COL5A2: variants seen among roughly 807,000 people sequenced by gnomAD.
COL5A2 encodes collagen alpha-2(V) chain.
COL5A2 carries 23 observed loss-of-function variants against 208.2 expected under a neutral mutation model. That is an observed-to-expected ratio of 0.11 (90% CI 0.08 to 0.16). The LOEUF is 0.16. Among genes scored for constraint, COL5A2 ranks in the 10% least tolerant of loss-of-function variants. The probability of loss-of-function intolerance (pLI) is 1.00; values close to 1 mark genes in which losing one functional copy is unlikely to be tolerated. For missense variants in COL5A2, 1,590 were observed against 1,956.4 expected, an observed-to-expected ratio of 0.81 and a Z score of 3.53; for synonymous variants, 625 against 628.5, an observed-to-expected ratio of 0.99 and a Z score of 0.08.
At chr2:189,414,670 G>A in the COL5A2 span, among the ~76,000 whole-genome samples, 3 of 148,140 alleles carry the variant, frequency 2.0e-5, no homozygotes, top group African/African-American at 7.5e-5. Flanking sequence ...AATGGCTTGA[G>A]CCCGGGAGAC....
At chr2:189,326,613 A>G in the COL5A2 span, among the ~76,000 whole-genome samples, 1 of 152,024 alleles carries the variant, frequency 6.6e-6, no homozygotes, top group Non-Finnish European at 1.5e-5. Context: ...GGATCACTTG[A>G]GCCCAGACAT....
intron 5 of COL5A2, among the ~76,000 whole-genome samples, chr2:189,098,348 A>G (rs542942416): frequency 4.6e-5 from 7 of 152,360 alleles, no homozygotes; most frequent in African/African-American, 1.7e-4. Context: ...CTCAAATTCT[A>G]CTGCAATATA....
At chr2:189,376,976 T>G in the COL5A2 span, among the ~76,000 whole-genome samples, 1 of 152,214 alleles carries the variant, frequency 6.6e-6, no homozygotes, top group African/African-American at 2.4e-5. Flanking sequence ...ATTTAATATA[T>G]TGTTACCAAT....
the COL5A2 span, among the ~76,000 whole-genome samples, chr2:189,243,318 C>A: frequency 6.6e-6 from 1 of 152,122 alleles, no homozygotes; most frequent in Non-Finnish European, 1.5e-5. Flanking sequence ...TGTATTAGTT[C>A]ATTTTCATGC....
intron 1 of COL5A2, among the ~76,000 whole-genome samples, chr2:189,195,776 A>G (rs762758904): frequency 2.0e-5 from 3 of 152,198 alleles, no homozygotes; most frequent in African/African-American, 7.2e-5. Context: ...AGAAAGCTGA[A>G]ACTGGACCCC....
intron 1 of COL5A2, among the ~76,000 whole-genome samples, chr2:189,213,719 C>A (rs1015465631): frequency 2.0e-5 from 3 of 152,086 alleles, no homozygotes; most frequent in Non-Finnish European, 4.4e-5. Flanking sequence ...CGAGAGTGAA[C>A]CCCAATGCCT....
intron 21 of COL5A2, 27 bp from the exon 22 acceptor site, chr2:189,066,809 A>G: frequency 6.3e-7 from 1 of 1,585,582 alleles, no homozygotes; most frequent in Non-Finnish European, 8.7e-7. Flanking sequence ...GATATTTGTA[A>G]GAACCAGGAC....
chr2:189,221,022 TATCAG>T (rs1294422809), intron 1 of COL5A2, among the ~76,000 whole-genome samples: 1 of 152,186 alleles, frequency 6.6e-6, no homozygotes, highest in East Asian at 1.9e-4. Context: ...GGTGTTCAAA[TATCAG>T]TTAATGAATG....
the COL5A2 span, among the ~76,000 whole-genome samples, chr2:189,282,707 GTT>G: frequency 6.6e-6 from 1 of 152,018 alleles, no homozygotes; most frequent in African/African-American, 2.4e-5. Flanking sequence ...TTCCATTCTT[GTT>G]TTATACTGTC....
the COL5A2 span, among the ~76,000 whole-genome samples, chr2:189,231,037 T>A: frequency 6.6e-6 from 1 of 151,908 alleles, no homozygotes; most frequent in Non-Finnish European, 1.5e-5. Context: ...CATGGATGAA[T>A]CTTGGAGACA....
intron 43 of COL5A2, 131 bp from the exon 44 acceptor site, chr2:189,049,585 C>T: frequency 2.8e-6 from 2 of 719,380 alleles, no homozygotes; most frequent in Non-Finnish European, 2.4e-6. Context: ...TCTTACAACA[C>T]TCATGTAATC....
chr2:189,225,544 T>C (rs1174470194), upstream of COL5A2, among the ~76,000 whole-genome samples: 1 of 152,156 alleles, frequency 6.6e-6, no homozygotes, highest in Non-Finnish European at 1.5e-5. Context: ...CTTTGTACAG[T>C]TTTGCTAAAT....
At chr2:189,135,979 A>G (rs935954540) in intron 1 of COL5A2, among the ~76,000 whole-genome samples, 1 of 152,182 alleles carries the variant, frequency 6.6e-6, no homozygotes, top group Non-Finnish European at 1.5e-5. Flanking sequence ...AGTAAGGAGG[A>G]TCAGCAGAGA....
chr2:189,356,051 G>A, the COL5A2 span, among the ~76,000 whole-genome samples: 1 of 152,264 alleles, frequency 6.6e-6, no homozygotes, highest in Non-Finnish European at 1.5e-5. Flanking sequence ...AGTTTGGCTG[G>A]ATATGAAATC....
the COL5A2 span, among the ~76,000 whole-genome samples, chr2:189,321,821 G>A: frequency 6.6e-6 from 1 of 152,184 alleles, no homozygotes; most frequent in African/African-American, 2.4e-5. Context: ...TCTGCACCAA[G>A]CAGACCTAAT....
the COL5A2 span, among the ~76,000 whole-genome samples, chr2:189,289,070 G>T: frequency 6.6e-6 from 1 of 152,072 alleles, no homozygotes; most frequent in Non-Finnish European, 1.5e-5. Flanking sequence ...GGCTGGGCAC[G>T]GTGGCTCACA....
At chr2:189,265,400 C>G in the COL5A2 span, among the ~76,000 whole-genome samples, 1 of 152,162 alleles carries the variant, frequency 6.6e-6, no homozygotes, top group Non-Finnish European at 1.5e-5. Flanking sequence ...TGCCACCAAC[C>G]CTTTGTGTTC....
intron 1 of COL5A2, among the ~76,000 whole-genome samples, chr2:189,158,089 T>G (rs1003690380): frequency 6.6e-6 from 1 of 151,992 alleles, no homozygotes; most frequent in Non-Finnish European, 1.5e-5. Context: ...AGTCATAGTG[T>G]TAGGTAATCA....
intron 1 of COL5A2, among the ~76,000 whole-genome samples, chr2:189,123,121 C>T (rs1687540624): frequency 6.6e-6 from 1 of 152,132 alleles, no homozygotes; most frequent in African/African-American, 2.4e-5. Flanking sequence ...TGTGCCATCA[C>T]GCCAAGCTAA....
Sources: gnomAD v4.1 joint callset for allele counts (sites outside exome capture counted in the v4.1 genomes callset) on GRCh38, gnomAD v4.1.1 for gene constraint, MANE v1.5 for transcripts, NCBI Gene and HGNC (gene_info 2026-07-23, HGNC 2026-07-21) for gene names.